SOS1: variants seen among roughly 807,000 people sequenced by gnomAD.
SOS1 encodes son of sevenless homolog 1.
In SOS1, 25 loss-of-function variants were observed where a neutral mutation model predicts 157.6. The observed-to-expected ratio is 0.16, with a 90% CI of 0.12 to 0.22. The LOEUF is 0.22. SOS1 is among the 10% of genes least tolerant of loss of function. The probability of loss-of-function intolerance (pLI) is 1.00; values close to 1 mark genes in which losing one functional copy is unlikely to be tolerated. For missense variants in SOS1, 1,237 were observed against 1,599.1 expected (o/e 0.77, Z 3.86); for synonymous variants, 528 against 534.0 (o/e 0.99, Z 0.16).
At chr2:39,064,409 G>A (rs932783045) in intron 2 of SOS1, among the ~76,000 whole-genome samples, 18 of 152,246 alleles carry the variant, frequency 1.2e-4, no homozygotes, top group African/African-American at 4.3e-4. Flanking sequence ...ATAGCAAATG[G>A]TGCCTTACAT....
At chr2:39,088,111 A>G (rs1319857097) in intron 1 of SOS1, among the ~76,000 whole-genome samples, 1 of 147,950 alleles carries the variant, frequency 6.8e-6, no homozygotes, top group Non-Finnish European at 1.5e-5. Context: ...TAATTCATCA[A>G]TCGGATAAAT....
intron 8 of SOS1, among the ~76,000 whole-genome samples, chr2:39,028,799 A>G (rs1266706937): frequency 1.3e-5 from 2 of 152,248 alleles, no homozygotes; most frequent in Non-Finnish European, 2.9e-5. Flanking sequence ...ATTTATTTTA[A>G]ATATTATATA....
rs183838071 is a variant in SOS1, at chr2:39,100,655, C to G, written c.87+19681G>C. On this transcript the variant is annotated intron_variant, in intron 1 of 22. Transcript: ENST00000402219. ...AGCAGGCCAGGCGTGGTGACTCATACCTGTGATCCAAGCAGTTTGGGAAGC... is the reference window on the plus strand; with the variant it reads ...AGCAGGCCAGGCGTGGTGACTCATAGCTGTGATCCAAGCAGTTTGGGAAGC... Among the ~76,000 whole-genome samples, 6 of 152,262 alleles carry G rather than the reference C, an allele frequency of 3.9e-5. No individual in the cohort carries two copies. In the East Asian group the frequency reaches 1.2e-3, roughly 29 times the overall value.
rs1043516636 is a variant in SOS1 at position 39,035,239 on chromosome 2, G to C, written c.1047C>G (p.His349Gln). Residue 349 changes from histidine to glutamine, a missense_variant, in exon 8 of 23, where the codon CAC (histidine) becomes CAG (glutamine). Physicochemically the swap from His to Gln is conservative, Grantham distance 24 (BLOSUM62 0). Coordinates refer to ENST00000402219, the MANE Select transcript of SOS1 (RefSeq NM_005633.4). The stretch of plus-strand genomic sequence containing the variant: ...TCAAAAGTTCAAAGTAATGGAGACA[G>C]TGGTAAACAGGGGCCAGAAGCAGCC... ...LPRLLLAPVY[H>Q]CLHYFELLKQ... 6 of 1,612,962 alleles carry C rather than the reference G, an allele frequency of 3.7e-6. No individual in the cohort carries two copies. The highest frequency in any genetic ancestry group is 1.3e-5 in the African/African-American group (1 of 75,012).
At position 39,069,190 on chromosome 2, in the gene SOS1, C is replaced by CAAAAAAAAAA. The variant is rs869178369; in HGVS notation, c.88-1447_88-1438dup. ...GGGAAAACCTGTCTCTACCAAAAAG[C>CAAAAAAAAAA]AAAAAAAAAAAAAAAAAAAAAAAAA... On this transcript the variant is annotated intron_variant, in intron 1 of 22. Transcript: ENST00000402219. Among the ~76,000 whole-genome samples, 12 of 46,760 alleles carry CAAAAAAAAAA rather than the reference C, an allele frequency of 2.6e-4. 1 individual carries two copies. Among genetic ancestry groups the CAAAAAAAAAA allele is most frequent in the South Asian group, 1.7e-3 (1 of 574 alleles). The allele number at this position is 46,760 out of a possible 152,430, so 30.7% of individuals were successfully genotyped here.
chr2:39,092,991 T>A (rs1288266525), intron 1 of SOS1, among the ~76,000 whole-genome samples: 2 of 152,254 alleles, frequency 1.3e-5, no homozygotes, highest in East Asian at 3.8e-4. Flanking sequence ...GCAATATTAC[T>A]TCTTTGGTAA....
intron 2 of SOS1, among the ~76,000 whole-genome samples, chr2:39,060,893 C>T (rs1192280293): frequency 1.3e-5 from 2 of 150,846 alleles, no homozygotes; most frequent in East Asian, 3.9e-4. Context: ...AGAAGTTGAA[C>T]TCAACCTAAC....
chr2:39,071,485 G>T (rs572106180), intron 1 of SOS1, among the ~76,000 whole-genome samples: 2 of 151,916 alleles, frequency 1.3e-5, no homozygotes, highest in Admixed American at 6.6e-5. Flanking sequence ...AATCATCATT[G>T]GTTACACAAA....
intron 17 of SOS1, among the ~76,000 whole-genome samples, chr2:39,004,584 T>TA (rs1282900647): frequency 6.6e-6 from 1 of 151,906 alleles, no homozygotes; most frequent in Non-Finnish European, 1.5e-5. Flanking sequence ...TTGAAAGTCA[T>TA]AAAAAAAGCT....
intron 6 of SOS1, 116 bp downstream of exon 6, chr2:39,051,028 A>G: frequency 1.1e-6 from 1 of 942,764 alleles, no homozygotes; most frequent in South Asian, 1.3e-5. Context: ...GCAATAACAG[A>G]TAAATAGTCA....
intron 8 of SOS1, among the ~76,000 whole-genome samples, chr2:39,033,263 T>G (rs1312616625): frequency 6.7e-6 from 1 of 150,194 alleles, no homozygotes; most frequent in Non-Finnish European, 1.5e-5. Flanking sequence ...GTGGACTAAT[T>G]AGACAAAATT....
At chr2:39,002,009 C>T (rs1055656238) in intron 17 of SOS1, among the ~76,000 whole-genome samples, 3 of 152,262 alleles carry the variant, frequency 2.0e-5, no homozygotes, top group South Asian at 4.1e-4. Context: ...TCTGAAACTT[C>T]CTCCTTTCAC....
intron 1 of SOS1, among the ~76,000 whole-genome samples, chr2:39,090,567 G>A (rs530656802): frequency 6.6e-6 from 1 of 151,504 alleles, no homozygotes; most frequent in Non-Finnish European, 1.5e-5. Context: ...ATGGTGGCAG[G>A]CGCCTGTAAT....
intron 17 of SOS1, among the ~76,000 whole-genome samples, chr2:39,002,765 C>G (rs1298688778): frequency 1.3e-5 from 2 of 151,896 alleles, no homozygotes; most frequent in African/African-American, 4.8e-5. Context: ...ATATTTTTAT[C>G]AAGAATGTAG....
In SOS1 at chr2:38,982,210, G is replaced by A. The variant is rs528951469; in HGVS notation, c.*3614C>T. 6.6e-6 allele frequency: 1 copy of A among 152,242 alleles called. No homozygotes were observed. The highest frequency in any genetic ancestry group is 1.5e-5 in the Non-Finnish European group (1 of 68,010). 9.4% of individuals were successfully genotyped at this position (152,242 alleles called of 1,614,324 possible). ...AATTTGCTCACAGTCGACAGAAAAT[G>A]CACTTTACGGTGTCAAAAATGGAAA... On this transcript the variant is annotated 3_prime_UTR_variant, in exon 23 of 23. Coordinates refer to ENST00000402219, the MANE Select transcript of SOS1 (RefSeq NM_005633.4).
chr2:39,066,795 A>T lies in SOS1; in HGVS notation c.213+833T>A, dbSNP rs1442620949. Among the ~76,000 whole-genome samples the T allele has an allele frequency of 2.2e-4, 34 of 152,210 alleles. 1 individual carries two copies. The highest frequency in any genetic ancestry group is 2.1e-3 in the Admixed American group (32 of 15,282). The stretch of plus-strand genomic sequence containing the variant: ...TTCACTTACCACCTAAAATACATGT[A>T]ACAACTGAAGATCAAAACATTAACA... On this transcript the variant is annotated intron_variant, in intron 2 of 22. Coordinates refer to ENST00000402219, the MANE Select transcript of SOS1 (RefSeq NM_005633.4).
intron 17 of SOS1, among the ~76,000 whole-genome samples, chr2:39,003,069 A>AAAAAAACAAAC (rs1669162880): frequency 2.5e-5 from 2 of 79,110 alleles, no homozygotes; most frequent in African/African-American, 5.8e-5. Context: ...CTTGTATCAA[A>AAAAAAACAAAC]AAAAAAAAAG....
intron 17 of SOS1, among the ~76,000 whole-genome samples, chr2:39,000,930 A>G (rs1168528020): frequency 6.6e-6 from 1 of 152,248 alleles, no homozygotes; most frequent in East Asian, 1.9e-4. Context: ...GAATGGAGAC[A>G]AGGCAAATTT....
Position 39,024,111 on chromosome 2 carries a change from T to C in SOS1, c.1101A>G (p.Gln367=). 1.2e-6 allele frequency: 2 copies of C among 1,611,030 alleles called. No homozygotes were observed. Among genetic ancestry groups the C allele is most frequent in the Non-Finnish European group, 1.7e-6 (2 of 1,177,420 alleles). The change falls in exon 9 of 23, where the codon CAA becomes CAG. Residue 367 remains glutamine (Q), a synonymous_variant. Coordinates refer to ENST00000402219, the MANE Select transcript of SOS1 (RefSeq NM_005633.4). The stretch of plus-strand genomic sequence containing the variant: ...CTTGTTTTAAACATTCCTTGTCTTC[T>C]TGATCTTCACTTTTTTCTTCTAACT... ...LKQLEEKSED[Q]EDKECLKQAI... is the part of the protein sequence containing the mutation.
Sources: gnomAD v4.1 joint callset for allele counts (sites outside exome capture counted in the v4.1 genomes callset) on GRCh38, gnomAD v4.1.1 for gene constraint, MANE v1.5 for transcripts, NCBI Gene and HGNC (gene_info 2026-07-23, HGNC 2026-07-21) for gene names.